Variants in ST6GALNAC6 observed in about 807,000 individuals in gnomAD.
The protein encoded by ST6GALNAC6 is ST6 N-acetylgalactosaminide alpha-2,6-sialyltransferase 6.
A neutral mutation model predicts 34.3 loss-of-function variants in ST6GALNAC6; 19 were observed. The ratio of observed to expected loss-of-function variants is 0.55; its 90% CI spans 0.39 to 0.81. The LOEUF (loss-of-function observed/expected upper bound fraction) is 0.81, where lower values mean the gene tolerates loss of function less well. Among genes scored for constraint, ST6GALNAC6 ranks in the 40% least tolerant of loss-of-function variants. The probability of loss-of-function intolerance (pLI) is 0.00; values close to 1 mark genes in which losing one functional copy is unlikely to be tolerated. For synonymous variants in ST6GALNAC6, 185 were observed against 182.1 expected (o/e 1.02, Z -0.13); for missense variants, 377 against 467.7 (o/e 0.81, Z 1.79).
Position 127,890,682 on chromosome 9 carries a change from A to T in ST6GALNAC6, c.659T>A (p.Met220Lys), listed in dbSNP as rs1830079235. ...MEAYAVSPGR[M>K]RQFDDLFRGE... ...CCGGAAGAGGTCGTCAAATTGCCGC[A>T]TGCGGCCGGGAGAGACGGCATATGC... Residue 220 changes from methionine (M) to lysine (K), a missense_variant, in exon 5 of 7, where the codon ATG becomes AAG. Transcript: ENST00000373146. The surrounding 1 kb of genome is among the most constrained non-coding windows in gnomAD (Gnocchi z 4.3). 2 of 1,613,284 alleles carry T rather than the reference A, an allele frequency of 1.2e-6. No homozygotes were observed. The highest frequency in any genetic ancestry group is 1.7e-5 in the Admixed American group (1 of 60,012).
At chr9:127,891,367 G>A (rs936639066) in intron 4 of ST6GALNAC6, among the ~76,000 whole-genome samples, 4 of 152,138 alleles carry the variant, frequency 2.6e-5, no homozygotes, top group Admixed American at 6.6e-5. Flanking sequence ...TGTAATCCCA[G>A]CACTTTGGGA....
At chr9:127,891,152 G>C in intron 4 of ST6GALNAC6, 109 bp from the exon 5 acceptor site, 1 of 1,299,414 alleles carries the variant, frequency 7.7e-7, no homozygotes, top group African/African-American at 1.5e-5. Context: ...TTTAAAGACA[G>C]GGAAACTGAG....
intron 4 of ST6GALNAC6, 92 bp downstream of exon 4, chr9:127,894,420 T>C: frequency 1.3e-6 from 2 of 1,487,996 alleles, no homozygotes; most frequent in Non-Finnish European, 1.8e-6. Flanking sequence ...GGGCCTTGAC[T>C]CTCAGGGTCC....
At chr9:127,898,409 T>C (rs539441853) in intron 1 of ST6GALNAC6, among the ~76,000 whole-genome samples, 18 of 150,032 alleles carry the variant, frequency 1.2e-4, no homozygotes, top group African/African-American at 3.9e-4. Flanking sequence ...AAAACAAAAA[T>C]AAATAAATAA....
At position 127,886,572 on chromosome 9, in the gene ST6GALNAC6, C is replaced by T. The variant is rs1457879801; in HGVS notation, c.*27G>A. 1 of 1,612,894 alleles carries T rather than the reference C, an allele frequency of 6.2e-7. No homozygotes were observed. Among genetic ancestry groups the T allele is most frequent in the South Asian group, 1.1e-5 (1 of 91,030 alleles). On this transcript the variant is annotated 3_prime_UTR_variant, in exon 7 of 7. Transcript: ENST00000373146. ...GGCGGAGGCTGCTTCTCCTCTGACC[C>T]TCCTGAGGTCCCACAGGCTGGGTGG... is the stretch of plus-strand genomic sequence containing the variant.
chr9:127,894,869 T>C (rs898855284), intron 3 of ST6GALNAC6, among the ~76,000 whole-genome samples, 178 bp from the exon 4 acceptor site: 29 of 152,204 alleles, frequency 1.9e-4, no homozygotes, highest in African/African-American at 7.0e-4. Context: ...ACACTGATCA[T>C]ACTGCATTCA....
At chr9:127,896,161 G>T in intron 3 of ST6GALNAC6, 81 bp downstream of exon 3, 1 of 1,484,948 alleles carries the variant, frequency 6.7e-7, no homozygotes, top group Non-Finnish European at 9.4e-7. Context: ...GGTGGCTGGG[G>T]TCTGAGACAG....
At chr9:127,891,716 G>A (rs1007701530) in intron 4 of ST6GALNAC6, among the ~76,000 whole-genome samples, 2 of 143,722 alleles carry the variant, frequency 1.4e-5, no homozygotes, top group Non-Finnish European at 3.1e-5. Flanking sequence ...GGAAAGGAGA[G>A]GAGAGGGAGA....
upstream of ST6GALNAC6, among the ~76,000 whole-genome samples, chr9:127,902,503 T>C (rs1402218311): frequency 6.6e-6 from 1 of 152,058 alleles, no homozygotes; most frequent in Non-Finnish European, 1.5e-5. Context: ...TGATGGGATC[T>C]GGGGCTGCTT....
rs1025660434 is a variant in ST6GALNAC6 at position 127,897,304 on chromosome 9, C to T, written c.26+652G>A. ...AGGGAAGAAACTGGGGCTTAGGGGG[C>T]CCTCCTCAGCTCCGTCCCCTGCTCC... On this transcript the variant is annotated intron_variant, in intron 2 of 6. Transcript: ENST00000373146. 6 of 985,688 alleles carry T rather than the reference C, an allele frequency of 6.1e-6. No homozygotes were observed. In the African/African-American group the frequency reaches 7.0e-5, roughly 11 times the overall value. 61.1% of individuals were successfully genotyped at this position (985,688 alleles called of 1,614,324 possible). A position where few individuals can be genotyped will look rare whatever the true frequency, so the allele number is the denominator to read the frequency against.
At chr9:127,896,717 C>G (rs1032238994) in intron 2 of ST6GALNAC6, among the ~76,000 whole-genome samples, 15 of 152,170 alleles carry the variant, frequency 9.9e-5, no homozygotes. Flanking sequence ...TTGTAGGCCC[C>G]CGAACTCCTC....
chr9:127,887,540 C>G lies in ST6GALNAC6; in HGVS notation c.756G>C (p.Ala252=). ...LSTGWFTMVI[A]VELCDHVHVY... is the part of the protein sequence containing the mutation. ...CATGCACGTGGTCACACAACTCCACCGCGATCACCATGGTAAACCAGCCTG... is the reference window on the plus strand; with the variant it reads ...CATGCACGTGGTCACACAACTCCACGGCGATCACCATGGTAAACCAGCCTG... The change falls in exon 6 of 7, where the codon GCG becomes GCC. Residue 252 remains alanine (A), a synonymous_variant. Transcript: ENST00000373146. 2 of 1,613,004 alleles carry G rather than the reference C, an allele frequency of 1.2e-6. No homozygotes were observed. The highest frequency in any genetic ancestry group is 1.7e-6 in the Non-Finnish European group (2 of 1,179,512).
upstream of ST6GALNAC6, among the ~76,000 whole-genome samples, chr9:127,900,560 CAAAAAAAAAAA>C (rs71380101): frequency 2.5e-4 from 11 of 44,168 alleles, no homozygotes; most frequent in African/African-American, 9.4e-4. Context: ...AACTCCGTCT[CAAAAAAAAAAA>C]AAAAAAAAAA....
rs547926825 is a variant in ST6GALNAC6 at position 127,895,668 on chromosome 9, G to A, written c.117+574C>T. On this transcript the variant is annotated intron_variant, in intron 3 of 6. Transcript: ENST00000373146. The stretch of plus-strand genomic sequence containing the variant: ...ATAATTTTTTGCATTAAACTTTTCC[G>A]TTTAATCACTGTGTAGTTTCTTTTT... Among the ~76,000 whole-genome samples, 26 of 152,168 alleles carry A rather than the reference G, an allele frequency of 1.7e-4. No homozygotes were observed. In the South Asian group the frequency reaches 3.3e-3, roughly 19 times the overall value.
upstream of ST6GALNAC6, among the ~76,000 whole-genome samples, chr9:127,901,277 T>A (rs1830749006): frequency 6.6e-6 from 1 of 151,990 alleles, no homozygotes; most frequent in African/African-American, 2.4e-5. Flanking sequence ...GAAAAAGAGG[T>A]ATTGGAAGAT....
At chr9:127,902,565 C>CATT (rs61633477), upstream of ST6GALNAC6, among the ~76,000 whole-genome samples, 11,174 of 146,930 alleles carry the variant, frequency 0.076, 735 homozygotes, top group African/African-American at 0.18. Context: ...ATAATGGTCA[C>CATT]ATTATTATTA....
intron 6 of ST6GALNAC6, 29 bp from the exon 7 acceptor site, chr9:127,886,817 G>A (rs778503748): frequency 6.4e-7 from 1 of 1,569,348 alleles, no homozygotes; most frequent in African/African-American, 1.4e-5. Flanking sequence ...GCGTCATCAG[G>A]GCAAGGTGAG....
At chr9:127,887,880 G>A (rs543530586) in intron 5 of ST6GALNAC6, among the ~76,000 whole-genome samples, 82 of 152,350 alleles carry the variant, frequency 5.4e-4, no homozygotes, top group African/African-American at 1.9e-3. Context: ...CAGTTGGGCA[G>A]GCTGAGTGAC....
At chr9:127,901,917 C>T (rs940598370), upstream of ST6GALNAC6, among the ~76,000 whole-genome samples, 4 of 151,638 alleles carry the variant, frequency 2.6e-5, no homozygotes, top group Non-Finnish European at 5.9e-5. Context: ...GGTGACAGTG[C>T]GAGACTCCAT....
Sources: gnomAD v4.1 joint callset for allele counts (sites outside exome capture counted in the v4.1 genomes callset) on GRCh38, gnomAD v4.1.1 for gene constraint, Gnocchi (gnomAD v3.1) non-coding constraint, MANE v1.5 for transcripts, NCBI Gene and HGNC (gene_info 2026-07-23, HGNC 2026-07-21) for gene names.